Variants in CFTR observed in about 807,000 individuals in gnomAD.
The protein encoded by CFTR is CF transmembrane conductance regulator.
In CFTR, 181 loss-of-function variants were observed where a neutral mutation model predicts 171.6. That is an observed-to-expected ratio of 1.05 (90% CI 0.93 to 1.19). CFTR has a LOEUF of 1.19. Ranked by LOEUF, CFTR falls within the 50% of genes most tolerant of loss-of-function variation. CFTR has a pLI of 0.00. For synonymous variants in CFTR, 583 were observed against 608.0 expected, an observed-to-expected ratio of 0.96 and a Z score of 0.60; for missense variants, 1,968 against 1,734.7, an observed-to-expected ratio of 1.13 and a Z score of -2.39.
At chr7:117,624,649 G>C (rs1792625614) in intron 21 of CFTR, among the ~76,000 whole-genome samples, 2 of 152,102 alleles carry the variant, frequency 1.3e-5, no homozygotes, top group South Asian at 4.1e-4. Flanking sequence ...ACTTTTCTTA[G>C]AGGACCTGGT....
intron 1 of CFTR, among the ~76,000 whole-genome samples, chr7:117,484,315 A>G (rs148767212): frequency 1.9e-4 from 29 of 152,358 alleles, no homozygotes; most frequent in African/African-American, 5.3e-4. Flanking sequence ...ATTGTGATAT[A>G]CAACTGCCAA....
At chr7:117,492,531 G>T (rs1356161626) in intron 1 of CFTR, among the ~76,000 whole-genome samples, 1 of 151,966 alleles carries the variant, frequency 6.6e-6, no homozygotes, top group Non-Finnish European at 1.5e-5. Context: ...GGAGATAAAA[G>T]ATAAATATTA....
chr7:117,620,666 C>CA (rs948106300), intron 21 of CFTR, among the ~76,000 whole-genome samples: 11 of 150,516 alleles, frequency 7.3e-5, no homozygotes, highest in South Asian at 2.1e-4. Context: ...AACAAACAAA[C>CA]AAAAAAAAAG....
chr7:117,618,422 A>G (rs1185502707), intron 21 of CFTR, among the ~76,000 whole-genome samples: 1 of 151,922 alleles, frequency 6.6e-6, no homozygotes, highest in African/African-American at 2.4e-5. Flanking sequence ...TGGAGGTTTC[A>G]GTGAGCCGAG....
At chr7:117,635,565 C>T (rs113465372) in intron 22 of CFTR, among the ~76,000 whole-genome samples, 86 of 151,882 alleles carry the variant, frequency 5.7e-4, no homozygotes, top group African/African-American at 1.8e-3. Flanking sequence ...TGGTTTTAAT[C>T]GAGCATTTTA....
intron 1 of CFTR, among the ~76,000 whole-genome samples, chr7:117,484,206 C>G (rs1798038243): frequency 6.6e-6 from 1 of 152,190 alleles, no homozygotes; most frequent in South Asian, 2.1e-4. Context: ...TCAATACATA[C>G]ACATTATCTC....
chr7:117,590,525 C>G, intron 13 of CFTR, 86 bp downstream of exon 13: 1 of 1,471,004 alleles, frequency 6.8e-7, no homozygotes. Flanking sequence ...CATTTTACCT[C>G]TTGAGAAATA....
chr7:117,644,011 G>C (rs1463327801), intron 23 of CFTR, among the ~76,000 whole-genome samples: 3 of 151,870 alleles, frequency 2.0e-5, no homozygotes, highest in Admixed American at 2.0e-4. Context: ...CCAGAGTTTT[G>C]AAAATTCTTT....
At chr7:117,660,666 A>G (rs928707824) in intron 24 of CFTR, among the ~76,000 whole-genome samples, 15 of 149,224 alleles carry the variant, frequency 1.0e-4, no homozygotes, top group South Asian at 4.3e-4. Flanking sequence ...GGGGATATAT[A>G]TGTGTGTGTG....
chr7:117,587,261 A>T (rs1256730460), intron 11 of CFTR, among the ~76,000 whole-genome samples: 1 of 152,172 alleles, frequency 6.6e-6, no homozygotes, highest in Non-Finnish European at 1.5e-5. Flanking sequence ...ATGGAAGCCC[A>T]GTGAAGATAC....
intron 7 of CFTR, among the ~76,000 whole-genome samples, chr7:117,539,155 C>T (rs1435154009): frequency 6.6e-6 from 1 of 152,108 alleles, no homozygotes; most frequent in Non-Finnish European, 1.5e-5. Flanking sequence ...TCACAAGTGA[C>T]TCCAATTTGG....
chr7:117,643,173 A>G (rs889946266), intron 23 of CFTR, among the ~76,000 whole-genome samples: 1 of 152,142 alleles, frequency 6.6e-6, no homozygotes, highest in African/African-American at 2.4e-5. Flanking sequence ...CACTTCTTGT[A>G]TATGAGAGAA....
At position 117,627,749 on chromosome 7, in the gene CFTR, C is replaced by A; in HGVS notation, c.3696C>A (p.Phe1232Leu). The change falls in exon 22 of 27, where the codon TTC becomes TTA. Residue 1232 changes from phenylalanine (F) to leucine (L), a missense_variant. Transcript: ENST00000003084. ...ATGCCATATTAGAGAACATTTCCTTCTCAATAAGTCCTGGCCAGAGGGTGA... is the reference window on the plus strand; with the variant it reads ...ATGCCATATTAGAGAACATTTCCTTATCAATAAGTCCTGGCCAGAGGGTGA... ...GGNAILENIS[F>L]SISPGQRVGL... 6.2e-7 allele frequency: 1 copy of A among 1,612,250 alleles called. No individual in the cohort carries two copies. Among genetic ancestry groups the A allele is most frequent in the Non-Finnish European group, 8.5e-7 (1 of 1,179,408 alleles).
intron 13 of CFTR, among the ~76,000 whole-genome samples, chr7:117,591,543 C>G (rs971335591): frequency 6.6e-6 from 1 of 151,936 alleles, no homozygotes; most frequent in Admixed American, 6.6e-5. Context: ...TAAAGAGCAA[C>G]AAAGCTCTGA....
At chr7:117,627,946 G>A in intron 22 of CFTR, 176 bp downstream of exon 22, 1 of 690,274 alleles carries the variant, frequency 1.4e-6, no homozygotes. Flanking sequence ...AATTTAATTT[G>A]CAGAGTCCTG....
intron 14 of CFTR, among the ~76,000 whole-genome samples, chr7:117,593,847 G>C (rs1319478124): frequency 1.3e-5 from 2 of 152,126 alleles, no homozygotes; most frequent in Admixed American, 6.5e-5. Context: ...ACCCACCTCA[G>C]CCTCCCAAAG....
chr7:117,549,068 A>G (rs1799222673), intron 10 of CFTR, among the ~76,000 whole-genome samples: 2 of 152,252 alleles, frequency 1.3e-5, no homozygotes, highest in East Asian at 3.8e-4. Flanking sequence ...CACATTCAAC[A>G]CTGTATCTTG....
At chr7:117,580,608 G>A (rs1394293150) in intron 11 of CFTR, among the ~76,000 whole-genome samples, 1 of 152,052 alleles carries the variant, frequency 6.6e-6, no homozygotes, top group African/African-American at 2.4e-5. Flanking sequence ...TTATGAGGAG[G>A]GGTGTGGATA....
chr7:117,550,941 T>G, intron 10 of CFTR, among the ~76,000 whole-genome samples: 1 of 152,190 alleles, frequency 6.6e-6, no homozygotes, highest in East Asian at 1.9e-4. Flanking sequence ...ATAGTTTTTT[T>G]TGGACAAAAG....
Sources: gnomAD v4.1 joint callset for allele counts (sites outside exome capture counted in the v4.1 genomes callset) on GRCh38, gnomAD v4.1.1 for gene constraint, MANE v1.5 for transcripts, NCBI Gene and HGNC (gene_info 2026-07-23, HGNC 2026-07-21) for gene names.